SLC35A2: variants seen among roughly 807,000 people sequenced by gnomAD.
SLC35A2 encodes the protein UDP-galactose translocator.
A neutral mutation model predicts 17.3 loss-of-function variants in SLC35A2; 1 was observed. The observed-to-expected ratio is 0.06, with a 90% CI of 0.02 to 0.27. SLC35A2 has a LOEUF of 0.27. Among genes scored for constraint, SLC35A2 ranks in the 10% least tolerant of loss-of-function variants. The pLI is 1.00. For missense variants in SLC35A2, 191 were observed against 339.3 expected (o/e 0.56, Z 3.43); for synonymous variants, 161 against 161.3 (o/e 1.00, Z 0.01).
chrX:48,910,054 G>A (rs1333772704), intron 1 of SLC35A2, 58 bp from the exon 2 acceptor site: 2 of 1,030,588 alleles, frequency 1.9e-6, no homozygotes, highest in Admixed American at 2.5e-5. Context: ...CTGGGGCATA[G>A]CCACACCACC....
chrX:48,906,370 C>A (rs1557043104), intron 3 of SLC35A2, 22 bp downstream of exon 3: 1 of 1,203,498 alleles, frequency 8.3e-7, no homozygotes, highest in Non-Finnish European at 1.1e-6. Context: ...TCCTCTGGGG[C>A]CATGCTGGGC....
At chrX:48,908,895 C>A (rs1474379185) in intron 2 of SLC35A2, among the ~76,000 whole-genome samples, 1 of 112,236 alleles carries the variant, frequency 8.9e-6, no homozygotes, top group South Asian at 3.6e-4. Context: ...AACAATTGGG[C>A]AACACTTCAA....
At chrX:48,904,231 T>C (rs959976578) in intron 4 of SLC35A2, 10 of 846,929 alleles carry the variant, frequency 1.2e-5, no homozygotes, top group Admixed American at 6.3e-5. Context: ...ACTAGTAACA[T>C]GATCCAGAGC....
chrX:48,909,603 T>C (rs1361384539), intron 2 of SLC35A2, among the ~76,000 whole-genome samples: 4 of 113,490 alleles, frequency 3.5e-5, no homozygotes, highest in African/African-American at 9.6e-5. Flanking sequence ...TTTATAAGCA[T>C]TGGCAATCTC....
At chrX:48,910,827 C>G (rs1307449468) in intron 1 of SLC35A2, among the ~76,000 whole-genome samples, 4 of 110,617 alleles carry the variant, frequency 3.6e-5, no homozygotes, top group Non-Finnish European at 7.6e-5. Context: ...AGGTCTGGCT[C>G]CCTCAACCAG....
At position 48,906,550 on chromosome X, in the gene SLC35A2, GGGA is replaced by G. The variant is rs1364325599; in HGVS notation, c.275-10_275-8del. 5 of 1,209,817 alleles carry G rather than the reference GGGA, an allele frequency of 4.1e-6. No individual in the cohort carries two copies. The highest frequency in any genetic ancestry group is 4.3e-5 in the Admixed American group (2 of 46,067). ...ACCAGGTGCTTCACGTTACCTAGGT[GGGA>G]GGAGGAGAGCCCTTCTTAGCACTGA... On this transcript the variant is annotated splice_region_variant and splice_polypyrimidine_tract_variant and intron_variant, in intron 2 of 4. Coordinates refer to ENST00000247138, the MANE Select transcript of SLC35A2 (RefSeq NM_005660.3).
At chrX:48,910,950 T>C (rs1569511682) in intron 1 of SLC35A2, among the ~76,000 whole-genome samples, 1 of 110,466 alleles carries the variant, frequency 9.1e-6, no homozygotes. Context: ...GAGCTCTCTC[T>C]GCTATAAGGA....
At chrX:48,904,267 C>T in intron 4 of SLC35A2, 1 of 934,631 alleles carries the variant, frequency 1.1e-6, no homozygotes, top group Non-Finnish European at 1.3e-6. Context: ...GAGAAGGCCT[C>T]AAACTATGGG....
intron 1 of SLC35A2, among the ~76,000 whole-genome samples, chrX:48,910,547 A>G (rs1425767254): frequency 4.5e-5 from 5 of 111,381 alleles, no homozygotes; most frequent in African/African-American, 9.8e-5. Flanking sequence ...TAACACATCA[A>G]TGCAGGGAAT....
Position 48,906,472 on chromosome X carries a change from C to T in SLC35A2, c.346G>A (p.Ala116Thr). The stretch of plus-strand genomic sequence containing the variant: ...AAGGTGTAGATGAGAGAGGGCACTG[C>T]GAGCTTGAGCGTGTCCACATACTGC... ...LVQYVDTLKL[A>T]VPSLIYTLQN... Residue 116 changes from alanine (A) to threonine (T), a missense_variant, in exon 3 of 5, where the codon GCA becomes ACA. By Grantham distance (58) the Ala-to-Thr change is moderately conservative. Around this residue, in one of 2 missense-constraint regions of SLC35A2, gnomAD observed 164 missense variants for 315.3 expected, o/e 0.52. Transcript: ENST00000247138. The T allele has an allele frequency of 1.7e-6, 2 of 1,207,811 alleles. No homozygotes were observed. The highest frequency in any genetic ancestry group is 2.2e-6 in the Non-Finnish European group (2 of 892,433).
chrX:48,908,771 C>A (rs2063510805), intron 2 of SLC35A2, among the ~76,000 whole-genome samples: 1 of 112,214 alleles, frequency 8.9e-6, no homozygotes, highest in Non-Finnish European at 1.9e-5. Flanking sequence ...AAGAGCAGGT[C>A]TCTTGTTAAC....
chrX:48,909,680 G>A (rs1325752854), intron 2 of SLC35A2, 134 bp downstream of exon 2: 7 of 547,007 alleles, frequency 1.3e-5, no homozygotes, highest in African/African-American at 6.9e-5. Context: ...ATGCCGCTAC[G>A]CATAGCTGGA....
At chrX:48,903,683 A>T in intron 4 of SLC35A2, 1 of 973,909 alleles carries the variant, frequency 1.0e-6, no homozygotes, top group Non-Finnish European at 1.4e-6. Context: ...CTTAAAAAAC[A>T]AACCAAAAAA....
chrX:48,911,366 C>T, intron 1 of SLC35A2, 180 bp downstream of exon 1: 2 of 588,389 alleles, frequency 3.4e-6, no homozygotes, highest in Non-Finnish European at 5.5e-6. Context: ...GGAAGGATCC[C>T]ACAATCACTC....
chrX:48,911,381 A>T, intron 1 of SLC35A2, 165 bp downstream of exon 1: 1 of 631,023 alleles, frequency 1.6e-6, no homozygotes, highest in Non-Finnish European at 2.5e-6. Flanking sequence ...TCACTCTCAG[A>T]ATGTTCTCTT....
At chrX:48,910,066 C>A in intron 1 of SLC35A2, 70 bp from the exon 2 acceptor site, 3 of 995,158 alleles carry the variant, frequency 3.0e-6, no homozygotes, top group Non-Finnish European at 4.2e-6. Flanking sequence ...CACACCACCA[C>A]CCACCCCCTT....
intron 4 of SLC35A2, chrX:48,904,470 C>T: frequency 9.1e-7 from 1 of 1,099,477 alleles, no homozygotes; most frequent in Non-Finnish European, 1.2e-6. Context: ...AACCCTGCCT[C>T]CAAAGAGGTT....
intron 3 of SLC35A2, chrX:48,905,919 C>A: frequency 3.6e-6 from 1 of 276,192 alleles, no homozygotes; most frequent in Non-Finnish European, 6.3e-6. Context: ...AGGCACTGCA[C>A]GTGAATTCAT....
At position 48,904,022 on chromosome X, in the gene SLC35A2, C is replaced by T. The variant is rs782412067; in HGVS notation, c.1164-557G>A. Reference sequence around the variant, plus strand: ...AGCCACTTCAAGGACCTCCATTTTTCCCACACCCTGGATCATTAATGATAT... The same window carrying T: ...AGCCACTTCAAGGACCTCCATTTTTTCCACACCCTGGATCATTAATGATAT... On this transcript the variant is annotated intron_variant, in intron 4 of 4. Transcript: ENST00000247138. The T allele has an allele frequency of 2.4e-5, 18 of 758,399 alleles. No individual in the cohort carries two copies. The South Asian group carries it at 1.1e-3, about 47-fold the overall frequency. 62.5% of individuals were successfully genotyped at this position (758,399 alleles called of 1,213,427 possible). A position where few individuals can be genotyped will look rare whatever the true frequency, so the allele number is the denominator to read the frequency against.
Sources: allele counts gnomAD v4.1 joint callset (sites outside exome capture counted in the v4.1 genomes callset), GRCh38; gene constraint gnomAD v4.1.1; regional missense constraint gnomAD v4.1.1; transcripts MANE v1.5; gene names NCBI Gene and HGNC (gene_info 2026-07-23, HGNC 2026-07-21).